Variants in CNTN2 observed in about 807,000 individuals in gnomAD.
The protein encoded by CNTN2 is contactin 2.
Under a neutral mutation model 117.5 loss-of-function variants are expected in CNTN2, and 53 were observed. That is an observed-to-expected ratio of 0.45 (90% CI 0.36 to 0.57). CNTN2 has a LOEUF of 0.57. Ranked by LOEUF, CNTN2 falls within the 20% of genes least tolerant of loss-of-function variation. The pLI is 0.00. For missense variants in CNTN2, 1,106 were observed against 1,404.3 expected, an observed-to-expected ratio of 0.79 and a Z score of 3.39; for synonymous variants, 530 against 561.7, an observed-to-expected ratio of 0.94 and a Z score of 0.80.
rs373478324 is a variant in CNTN2 at position 205,067,152 on chromosome 1, C to A, written c.2027C>A (p.Thr676Asn). The change falls in exon 16 of 23, where the codon ACC (threonine) becomes AAC (asparagine). Residue 676 changes from threonine to asparagine, a missense_variant. Thr to Asn is a moderately conservative substitution (Grantham distance 65, BLOSUM62 0). Coordinates refer to ENST00000331830, the MANE Select transcript of CNTN2 (RefSeq NM_005076.5). ...NAETAQVLGL[T>N]PWMDYEFRVI... ...GAGACTGCACAGGTGCTGGGCCTCA[C>A]CCCCTGGATGGACTATGAGTTCCGG... 6.2e-7 allele frequency: 1 copy of A among 1,613,916 alleles called. No individual in the cohort carries two copies. The highest frequency in any genetic ancestry group is 1.3e-5 in the African/African-American group (1 of 74,902).
chr1:205,044,462 G>T (rs867829473), intron 1 of CNTN2, among the ~76,000 whole-genome samples: 12 of 151,824 alleles, frequency 7.9e-5, no homozygotes, highest in South Asian at 2.1e-4. Flanking sequence ...GTGTCCTGGG[G>T]GGGGGGGTCC....
At chr1:205,044,095 C>T (rs1250621153) in intron 1 of CNTN2, among the ~76,000 whole-genome samples, 1 of 152,140 alleles carries the variant, frequency 6.6e-6, no homozygotes, top group Non-Finnish European at 1.5e-5. Context: ...AAATCCCTCC[C>T]CCCCATCCTC....
rs1653965834 is a variant in CNTN2, at chr1:205,061,296, G to C, written c.849G>C (p.Gln283His). 20 of 1,614,110 alleles carry C rather than the reference G, an allele frequency of 1.2e-5. No individual in the cohort carries two copies. The highest frequency in any genetic ancestry group is 1.7e-5 in the Non-Finnish European group (20 of 1,179,984). The change falls in exon 8 of 23, where the codon CAG becomes CAC. Residue 283 changes from glutamine to histidine, a missense_variant. Coordinates refer to ENST00000331830, the MANE Select transcript of CNTN2 (RefSeq NM_005076.5). The surrounding 1 kb of genome is among the most constrained non-coding windows in gnomAD (Gnocchi z 4.8). Reference protein sequence around the residue: ...WRKVDGSLSPQWTTAEPTLQI... With the variant: ...WRKVDGSLSPHWTTAEPTLQI... Reference sequence around the variant, plus strand: ...AAGTGGACGGCTCCCTGTCCCCGCAGTGGACCACAGCTGAGCCCACCCTGC... The same window carrying C: ...AAGTGGACGGCTCCCTGTCCCCGCACTGGACCACAGCTGAGCCCACCCTGC...
Position 205,066,552 on chromosome 1 carries a change from T to G in CNTN2, c.1928T>G (p.Leu643Arg). ...CACAGCCCCATCGCTAAGTACACCC[T>G]GCAAGCTCGCACTCCACCTGCAGGG... is the stretch of plus-strand genomic sequence containing the variant. ...DNHSPIAKYTLQARTPPAGKW... is the reference protein window; with the variant it reads ...DNHSPIAKYTRQARTPPAGKW... The change falls in exon 15 of 23, where the codon CTG (leucine) becomes CGG (arginine). Residue 643 changes from leucine (L) to arginine (R), a missense_variant. Coordinates refer to ENST00000331830, the MANE Select transcript of CNTN2 (RefSeq NM_005076.5). 1 of 1,614,076 alleles carries G rather than the reference T, an allele frequency of 6.2e-7. No homozygotes were observed. The highest frequency in any genetic ancestry group is 1.1e-5 in the South Asian group (1 of 91,082).
At chr1:205,045,835 C>CT (rs1340450388) in intron 1 of CNTN2, among the ~76,000 whole-genome samples, 3 of 152,126 alleles carry the variant, frequency 2.0e-5, no homozygotes, top group Non-Finnish European at 2.9e-5. Flanking sequence ...TCAGATGACT[C>CT]TAAGGATGGT....
rs764921795 is a variant in CNTN2 at position 205,073,241 on chromosome 1, T to A, written c.3013+5T>A. On this transcript the variant is annotated splice_donor_5th_base_variant and intron_variant, in intron 22 of 22. Coordinates refer to ENST00000331830, the MANE Select transcript of CNTN2 (RefSeq NM_005076.5). The surrounding 1 kb of genome is among the most constrained non-coding windows in gnomAD (Gnocchi z 6.3). Reference sequence around the variant, plus strand: ...TCCACATCGTGAGGAATGGAGGTGCTGCTCCTCCCCTACCCTTATCCCCTC... The same window carrying A: ...TCCACATCGTGAGGAATGGAGGTGCAGCTCCTCCCCTACCCTTATCCCCTC... 1.2e-5 allele frequency: 20 copies of A among 1,613,524 alleles called. No homozygotes were observed. The highest frequency in any genetic ancestry group is 1.6e-5 in the Non-Finnish European group (19 of 1,179,828).
In CNTN2 at chr1:205,058,655, A is replaced by C. The variant is rs1327945426; in HGVS notation, c.479A>C (p.His160Pro). The change falls in exon 5 of 23, where the codon CAC becomes CCC. Residue 160 changes from histidine to proline, a missense_variant. Transcript: ENST00000331830. This position sits in a 1 kb window ranked among gnomAD's most constrained non-coding sequence, Gnocchi z 4.3. ...GVMLPCNPPA[H>P]YPGLSYRWLL... Reference sequence around the variant, plus strand: ...ATGTTGCCCTGTAACCCACCTGCCCACTACCCAGGTGAGTCCAGACCTGGG... The same window carrying C: ...ATGTTGCCCTGTAACCCACCTGCCCCCTACCCAGGTGAGTCCAGACCTGGG... The C allele has an allele frequency of 1.9e-6, 3 of 1,613,778 alleles. No individual in the cohort carries two copies. The African/African-American group carries it at 4.0e-5, about 22-fold the overall frequency.
chr1:205,056,147 G>A (rs1402074316), intron 2 of CNTN2, among the ~76,000 whole-genome samples: 2 of 152,144 alleles, frequency 1.3e-5, no homozygotes, highest in East Asian at 1.9e-4. Context: ...GAGGAGAAAG[G>A]TTTCTCGGGA....
At chr1:205,054,259 G>A (rs961106509) in intron 2 of CNTN2, among the ~76,000 whole-genome samples, 1 of 152,204 alleles carries the variant, frequency 6.6e-6, no homozygotes, top group African/African-American at 2.4e-5. Flanking sequence ...TACAGCCGGT[G>A]CATTTCAGGT....
rs372422500 is a variant in CNTN2, at chr1:205,058,283, C to T, written c.318C>T (p.Ala106=). ...VIMNPTKAQD[A]GVYQCLASNP... ...TGAACCCCACCAAGGCACAGGATGC[C>T]GGGGTCTACCAGTGCCTGGCCTCCA... Residue 106 remains alanine, a synonymous_variant, in exon 4 of 23, where the codon GCC becomes GCT. Transcript: ENST00000331830. This position sits in a 1 kb window ranked among gnomAD's most constrained non-coding sequence, Gnocchi z 4.3. The T allele has an allele frequency of 4.9e-5, 75 of 1,534,694 alleles. No individual in the cohort carries two copies. Among genetic ancestry groups the T allele is most frequent in the Middle Eastern group, 1.8e-4 (1 of 5,696 alleles).
At chr1:205,047,221 G>T (rs1558533514) in intron 1 of CNTN2, among the ~76,000 whole-genome samples, 1 of 152,072 alleles carries the variant, frequency 6.6e-6, no homozygotes, top group Non-Finnish European at 1.5e-5. Context: ...CCCCATTTCT[G>T]CCCTAAGGAT....
At position 205,061,691 on chromosome 1, in the gene CNTN2, G is replaced by GCTTTCTTGTGCCTC; in HGVS notation, c.974-170_974-157dup. The GCTTTCTTGTGCCTC allele has an allele frequency of 1.1e-6, 1 of 935,658 alleles. No homozygotes were observed. Among genetic ancestry groups the GCTTTCTTGTGCCTC allele is most frequent in the South Asian group, 1.8e-5 (1 of 56,106 alleles). 58.0% of individuals were successfully genotyped at this position (935,658 alleles called of 1,614,324 possible). A position where few individuals can be genotyped will look rare whatever the true frequency, so the allele number is the denominator to read the frequency against. On this transcript the variant is annotated intron_variant, in intron 8 of 22. Coordinates refer to ENST00000331830, the MANE Select transcript of CNTN2 (RefSeq NM_005076.5). The surrounding 1 kb of genome is among the most constrained non-coding windows in gnomAD (Gnocchi z 4.8). The stretch of plus-strand genomic sequence containing the variant: ...CCACTGGCACAGCCACAGAGTGCCA[G>GCTTTCTTGTGCCTC]CTTTCTTGTGCCTCCTTCTTCCGGC...
At position 205,078,113 on chromosome 1, in the gene CNTN2, A is replaced by G. The variant is rs1654946092; in HGVS notation, c.*4348A>G. On this transcript the variant is annotated 3_prime_UTR_variant, in exon 23 of 23. Coordinates refer to ENST00000331830, the MANE Select transcript of CNTN2 (RefSeq NM_005076.5). ...CCAAGAATTTCTTTACCCCCCACAC[A>G]GTGAAATATAAGTAAGTTACAACAT... The G allele has an allele frequency of 6.6e-6, 1 of 152,174 alleles. No homozygotes were observed. The highest frequency in any genetic ancestry group is 2.1e-4 in the South Asian group (1 of 4,830). 9.4% of individuals were successfully genotyped at this position (152,174 alleles called of 1,614,324 possible).
Position 205,057,928 on chromosome 1 carries a change from T to C in CNTN2, c.78T>C (p.Ser26=), listed in dbSNP as rs113519006. ...TGGTGTCATCACCTGCAGCTTGGAG[T>C]TCAGCCCTGGGATCCCAAACCACCT... ...AVALVSSSAW[S]SALGSQTTFG... Residue 26 remains serine (S), a synonymous_variant, in exon 3 of 23, where the codon AGT becomes AGC. Coordinates refer to ENST00000331830, the MANE Select transcript of CNTN2 (RefSeq NM_005076.5). The C allele has an allele frequency of 6.2e-7, 1 of 1,613,516 alleles. No homozygotes were observed. The highest frequency in any genetic ancestry group is 8.5e-7 in the Non-Finnish European group (1 of 1,179,700).
At chr1:205,049,851 CAGAT>C (rs1456959186) in intron 1 of CNTN2, among the ~76,000 whole-genome samples, 1 of 152,168 alleles carries the variant, frequency 6.6e-6, no homozygotes, top group Non-Finnish European at 1.5e-5. Flanking sequence ...GCATATAAAG[CAGAT>C]ACAAGTGGAG....
intron 1 of CNTN2, among the ~76,000 whole-genome samples, chr1:205,045,040 G>A (rs935799180): frequency 6.6e-6 from 1 of 152,132 alleles, no homozygotes; most frequent in Non-Finnish European, 1.5e-5. Context: ...ACAGGAAAGG[G>A]CCCCTGACCT....
chr1:205,047,766 A>G (rs2096444251), intron 1 of CNTN2, among the ~76,000 whole-genome samples: 1 of 152,138 alleles, frequency 6.6e-6, no homozygotes, highest in Non-Finnish European at 1.5e-5. Flanking sequence ...GTGGCTGCGG[A>G]CACACGGCTG....
chr1:205,050,838 C>T (rs2096451472), intron 1 of CNTN2, among the ~76,000 whole-genome samples: 2 of 152,166 alleles, frequency 1.3e-5, no homozygotes, highest in African/African-American at 4.8e-5. Context: ...AGGCTGATCT[C>T]GAACTCCTGA....
At chr1:205,052,019 C>A (rs990850128) in intron 1 of CNTN2, among the ~76,000 whole-genome samples, 1 of 152,182 alleles carries the variant, frequency 6.6e-6, no homozygotes, top group Non-Finnish European at 1.5e-5. Flanking sequence ...AGAGATGGGA[C>A]GGGTCTTGCA....
Sources: gnomAD v4.1 joint callset for allele counts (sites outside exome capture counted in the v4.1 genomes callset) on GRCh38, gnomAD v4.1.1 for gene constraint, Gnocchi (gnomAD v3.1) non-coding constraint, MANE v1.5 for transcripts, NCBI Gene and HGNC (gene_info 2026-07-23, HGNC 2026-07-21) for gene names.